PDXDC1: variants seen among roughly 807,000 people sequenced by gnomAD.
The protein encoded by PDXDC1 is pyridoxal-dependent decarboxylase domain-containing protein 1.
In PDXDC1, 42 loss-of-function variants were observed where a neutral mutation model predicts 100.1. The observed-to-expected ratio is 0.42, with a 90% confidence interval of 0.33 to 0.54. The LOEUF (loss-of-function observed/expected upper bound fraction) is 0.54, where lower values mean the gene tolerates loss of function less well. Ranked by LOEUF, PDXDC1 falls within the 20% of genes least tolerant of loss-of-function variation. The pLI is 0.10. For synonymous variants in PDXDC1, 260 were observed against 371.7 expected (o/e 0.70, Z 3.46); for missense variants, 636 against 979.2 (o/e 0.65, Z 4.68).
intron 1 of PDXDC1, among the ~76,000 whole-genome samples, chr16:14,981,614 A>C (rs1968004097): frequency 6.6e-6 from 1 of 152,284 alleles, no homozygotes; most frequent in Non-Finnish European, 1.5e-5. Flanking sequence ...TACTCGTGTT[A>C]TAAGATCTGT....
At chr16:15,060,925 T>C (rs2044686603) in intron 16 of PDXDC1, 1 of 152,246 alleles carries the variant, frequency 6.6e-6, no homozygotes, top group African/African-American at 2.4e-5. Flanking sequence ...AAGGGGACAC[T>C]TGAGAGCCAA....
intron 16 of PDXDC1, chr16:15,104,577 G>A: frequency 6.3e-7 from 1 of 1,599,552 alleles, no homozygotes; most frequent in South Asian, 1.1e-5. Flanking sequence ...CGCTGAGGGT[G>A]GAAGGGGATA....
chr16:15,092,575 A>G, intron 16 of PDXDC1: 1 of 1,613,580 alleles, frequency 6.2e-7, no homozygotes, highest in South Asian at 1.1e-5. Context: ...TTGGGGGAGA[A>G]TTGAAAAAGT....
chr16:15,014,108 G>C (rs868052211), intron 8 of PDXDC1, among the ~76,000 whole-genome samples: 1 of 152,148 alleles, frequency 6.6e-6, no homozygotes, highest in East Asian at 1.9e-4. Flanking sequence ...TTAGGAGGCC[G>C]AGGCAGGAGA....
At chr16:15,024,757 C>G (rs1179235578) in intron 13 of PDXDC1, among the ~76,000 whole-genome samples, 1 of 152,296 alleles carries the variant, frequency 6.6e-6, no homozygotes, top group East Asian at 1.9e-4. Flanking sequence ...TCTTTCAGAT[C>G]TTAATTCAAA....
At chr16:15,126,007 T>G in intron 16 of PDXDC1, 4 of 597,482 alleles carry the variant, frequency 6.7e-6, no homozygotes, top group Non-Finnish European at 9.0e-6. Flanking sequence ...GACAGCAGAC[T>G]GGTGCAGCTA....
chr16:14,997,600 T>C lies in PDXDC1; in HGVS notation c.22-153T>C, dbSNP rs57898207. ...AGTGGGGCTGGAAGATTTTTACTTT[T>C]TCTGTTATACTTTTGTACTATTGCA... On this transcript the variant is annotated intron_variant, in intron 1 of 22. Transcript: ENST00000396410. 1.6e-5 allele frequency: 15 copies of C among 928,152 alleles called. No individual in the cohort carries two copies. In the African/African-American group the frequency reaches 2.4e-4, roughly 15 times the overall value. The allele number at this position is 928,152 out of a possible 1,614,324, so 57.5% of individuals were successfully genotyped here.
At chr16:15,126,044 T>A (rs894293308) in intron 16 of PDXDC1, 4 of 577,794 alleles carry the variant, frequency 6.9e-6, no homozygotes, top group Non-Finnish European at 1.2e-5. Flanking sequence ...ATTTCATTTT[T>A]TTTTTTCTTA....
intron 1 of PDXDC1, among the ~76,000 whole-genome samples, chr16:14,983,078 A>G (rs1373916217): frequency 6.6e-6 from 1 of 152,268 alleles, no homozygotes; most frequent in Non-Finnish European, 1.5e-5. Context: ...TAATATGAGC[A>G]GCTGGTTTCT....
At position 15,032,858 on chromosome 16, in the gene PDXDC1, T is replaced by C; in HGVS notation, c.1572-3T>C. ...GAAATGCTGTGGTTTGATGTTGTTT[T>C]AGGTATGAACATGCTAATGATGATA... On this transcript the variant is annotated splice_polypyrimidine_tract_variant and splice_region_variant and intron_variant, in intron 17 of 22. Coordinates refer to ENST00000396410, the MANE Select transcript of PDXDC1 (RefSeq NM_015027.4). 1 of 1,498,124 alleles carries C rather than the reference T, an allele frequency of 6.7e-7. No individual in the cohort carries two copies. Among genetic ancestry groups the C allele is most frequent in the South Asian group, 1.1e-5 (1 of 88,636 alleles). 92.8% of individuals were successfully genotyped at this position (1,498,124 alleles called of 1,614,324 possible). A position where few individuals can be genotyped will look rare whatever the true frequency, so the allele number is the denominator to read the frequency against.
chr16:15,104,798 T>C, intron 16 of PDXDC1: 1 of 1,558,324 alleles, frequency 6.4e-7, no homozygotes, highest in Non-Finnish European at 8.6e-7. Context: ...CACATATTCA[T>C]TTGATGGACA....
At chr16:15,013,002 C>T (rs1320843707) in intron 8 of PDXDC1, among the ~76,000 whole-genome samples, 3 of 152,204 alleles carry the variant, frequency 2.0e-5, no homozygotes, top group East Asian at 1.9e-4. Context: ...AACCCCGTTT[C>T]CACTAAAAAT....
chr16:15,015,010 TCA>T (rs1431025812), intron 8 of PDXDC1, among the ~76,000 whole-genome samples: 2 of 152,292 alleles, frequency 1.3e-5, no homozygotes, highest in Non-Finnish European at 2.9e-5. Flanking sequence ...CGATCTCGGC[TCA>T]CTACAAGCTC....
At chr16:15,133,559 G>T in intron 16 of PDXDC1, 1 of 1,011,842 alleles carries the variant, frequency 9.9e-7, no homozygotes, top group African/African-American at 1.6e-5. Context: ...CTCGAAGTGT[G>T]GCCTGAAACC....
At chr16:14,986,058 G>A (rs1487568678) in intron 1 of PDXDC1, among the ~76,000 whole-genome samples, 4 of 152,204 alleles carry the variant, frequency 2.6e-5, no homozygotes, top group African/African-American at 4.8e-5. Flanking sequence ...CTATGATCAC[G>A]CCACTGTGAC....
downstream of PDXDC1, among the ~76,000 whole-genome samples, chr16:15,040,808 T>C (rs1344396742): frequency 6.6e-6 from 1 of 152,036 alleles, no homozygotes; most frequent in Non-Finnish European, 1.5e-5. Flanking sequence ...CTGGGAAGGG[T>C]GGGCATGGCC....
At chr16:15,028,988 C>T (rs765465336) in intron 15 of PDXDC1, 22 bp downstream of exon 15, 15 of 1,608,328 alleles carry the variant, frequency 9.3e-6, no homozygotes, top group Admixed American at 1.7e-5. Flanking sequence ...AGTCACCCCC[C>T]TTTCCTTTCA....
At chr16:15,098,788 G>A in intron 16 of PDXDC1, among the ~76,000 whole-genome samples, 1 of 151,932 alleles carries the variant, frequency 6.6e-6, no homozygotes, top group South Asian at 2.1e-4. Context: ...TGAGGCAGGA[G>A]AATCACTTGA....
intron 16 of PDXDC1, among the ~76,000 whole-genome samples, chr16:15,092,088 A>T (rs1598019440): frequency 6.6e-6 from 1 of 152,178 alleles, no homozygotes; most frequent in African/African-American, 2.4e-5. Context: ...CTGAGGCAGG[A>T]GAATTGCTTG....
Sources: allele counts gnomAD v4.1 joint callset (sites outside exome capture counted in the v4.1 genomes callset), GRCh38; gene constraint gnomAD v4.1.1; transcripts MANE v1.5; gene names NCBI Gene and HGNC (gene_info 2026-07-23, HGNC 2026-07-21).